Variants in ADK observed in about 807,000 individuals in gnomAD.
The protein encoded by ADK is adenosine kinase, also known as N6,N6-dimethyladenosine kinase.
Under a neutral mutation model 44.7 loss-of-function variants are expected in ADK, and 24 were observed. The ratio of observed to expected loss-of-function variants is 0.54; its 90% confidence interval spans 0.39 to 0.76. ADK has a LOEUF of 0.76. Among genes scored for constraint, ADK ranks in the 30% least tolerant of loss-of-function variants. The pLI is 0.00. For missense variants in ADK, 321 were observed against 425.1 expected (o/e 0.76, Z 2.15); for synonymous variants, 128 against 142.6 (o/e 0.90, Z 0.73).
chr10:74,196,488 C>T (rs554737286), intron 1 of ADK, among the ~76,000 whole-genome samples: 4 of 152,086 alleles, frequency 2.6e-5, no homozygotes, highest in South Asian at 4.2e-4. Flanking sequence ...TGCAGTGAAC[C>T]GAGATTGCGC....
chr10:74,427,463 G>A (rs1844838331), intron 6 of ADK, among the ~76,000 whole-genome samples: 1 of 152,174 alleles, frequency 6.6e-6, no homozygotes, highest in Admixed American at 6.5e-5. Context: ...TTCCCAAAGT[G>A]CTGGGATTAC....
At chr10:74,190,062 A>G (rs932988654) in intron 1 of ADK, among the ~76,000 whole-genome samples, 12 of 152,190 alleles carry the variant, frequency 7.9e-5, no homozygotes, top group African/African-American at 2.7e-4. Flanking sequence ...ACATTCATCT[A>G]CAAGTTTTTG....
intron 9 of ADK, among the ~76,000 whole-genome samples, chr10:74,642,491 C>G (rs1014982752): frequency 2.0e-5 from 3 of 151,858 alleles, no homozygotes; most frequent in African/African-American, 7.3e-5. Context: ...AGGTATGAGC[C>G]AGTGCACCTG....
chr10:74,428,006 G>C (rs1253941293), intron 6 of ADK, among the ~76,000 whole-genome samples: 8 of 152,118 alleles, frequency 5.3e-5, no homozygotes. Flanking sequence ...CTCTCTCCTA[G>C]CTTCTGGTGG....
At chr10:74,661,293 T>C (rs1263003794) in intron 9 of ADK, 1 of 966,262 alleles carries the variant, frequency 1.0e-6, no homozygotes, top group African/African-American at 1.8e-5. Context: ...TTCAGGAAAA[T>C]AGTAGCAACA....
At chr10:74,634,627 A>G (rs1298701023) in intron 9 of ADK, among the ~76,000 whole-genome samples, 1 of 151,944 alleles carries the variant, frequency 6.6e-6, no homozygotes, top group Non-Finnish European at 1.5e-5. Flanking sequence ...GAAATTATCA[A>G]GTGTGGAAAA....
chr10:74,471,296 G>C (rs914859607), intron 6 of ADK, among the ~76,000 whole-genome samples: 19 of 151,858 alleles, frequency 1.3e-4, no homozygotes, highest in African/African-American at 4.4e-4. Flanking sequence ...GGATGGTCTC[G>C]ATCTCCTGAC....
chr10:74,166,450 G>T (rs994969565), intron 1 of ADK, among the ~76,000 whole-genome samples: 10 of 152,122 alleles, frequency 6.6e-5, no homozygotes, highest in African/African-American at 2.4e-4. Context: ...CTCCCAAGTA[G>T]CTGGGACCAC....
At chr10:74,272,182 T>G (rs966065985) in intron 3 of ADK, among the ~76,000 whole-genome samples, 1 of 152,226 alleles carries the variant, frequency 6.6e-6, no homozygotes, top group Non-Finnish European at 1.5e-5. Context: ...AGAAATTTTT[T>G]TACTCCTCAT....
chr10:74,570,204 G>A (rs1213019623), intron 7 of ADK, among the ~76,000 whole-genome samples: 1 of 151,954 alleles, frequency 6.6e-6, no homozygotes, highest in Non-Finnish European at 1.5e-5. Context: ...AAGTCAGGTA[G>A]CGTGATGCCT....
chr10:74,520,592 G>GT (rs1439364739), intron 6 of ADK, among the ~76,000 whole-genome samples: 1 of 81,786 alleles, frequency 1.2e-5, no homozygotes, highest in African/African-American at 3.7e-5. Flanking sequence ...GTAAACACTG[G>GT]TAAAAAAAAA....
intron 3 of ADK, among the ~76,000 whole-genome samples, chr10:74,259,690 C>T (rs1845971223): frequency 6.6e-6 from 1 of 151,986 alleles, no homozygotes; most frequent in Non-Finnish European, 1.5e-5. Context: ...ATCTCCTGAC[C>T]TCGTGATCCG....
At chr10:74,547,444 ATATTTATT>A (rs1230937334) in intron 7 of ADK, among the ~76,000 whole-genome samples, 650 of 25,616 alleles carry the variant, frequency 0.025, 3 homozygotes, top group Middle Eastern at 0.083. Flanking sequence ...ATATATATAT[ATATTTATT>A]TATTTATTTA....
chr10:74,460,475 A>G (rs1846134415), intron 6 of ADK, among the ~76,000 whole-genome samples: 1 of 152,232 alleles, frequency 6.6e-6, no homozygotes, highest in Non-Finnish European at 1.5e-5. Context: ...TTGTATGAAT[A>G]TAAAAAGATT....
intron 3 of ADK, among the ~76,000 whole-genome samples, chr10:74,312,914 C>CAAAAAAAAAAAAAAAAAAA (rs56052959): frequency 1.1e-4 from 4 of 37,832 alleles, no homozygotes; most frequent in African/African-American, 3.9e-4. Context: ...ATTCTGTCTC[C>CAAAAAAAAAAAAAAAAAAA]AAAAAAAAAA....
intron 6 of ADK, among the ~76,000 whole-genome samples, chr10:74,500,614 T>C (rs138272035): frequency 1.3e-5 from 2 of 152,338 alleles, no homozygotes; most frequent in African/African-American, 4.8e-5. Context: ...TTTCTTATTT[T>C]AAAAATTACA....
intron 1 of ADK, among the ~76,000 whole-genome samples, chr10:74,189,170 C>T (rs1053821582): frequency 2.6e-5 from 4 of 152,114 alleles, no homozygotes; most frequent in Non-Finnish European, 5.9e-5. Context: ...CATACAATTT[C>T]GATGTGTTCA....
chr10:74,525,182 G>A, intron 6 of ADK, 74 bp from the exon 7 acceptor site: 1 of 1,401,218 alleles, frequency 7.1e-7, no homozygotes, highest in Non-Finnish European at 1.0e-6. Context: ...ATTTTGTATA[G>A]GTTTCTTTTA....
intron 6 of ADK, among the ~76,000 whole-genome samples, chr10:74,471,189 C>G (rs1017676849): frequency 3.3e-5 from 5 of 151,976 alleles, no homozygotes; most frequent in African/African-American, 1.2e-4. Context: ...ATTCTCCTGC[C>G]TCAGCCTCCC....
Sources: allele counts gnomAD v4.1 joint callset (sites outside exome capture counted in the v4.1 genomes callset), GRCh38; gene constraint gnomAD v4.1.1; transcripts MANE v1.5; gene names NCBI Gene and HGNC (gene_info 2026-07-23, HGNC 2026-07-21).